EVC: variants seen among roughly 807,000 people sequenced by gnomAD.
The protein encoded by EVC is evC complex member EVC.
In EVC, 116 loss-of-function variants were observed where a neutral mutation model predicts 118.9. That is an observed-to-expected ratio of 0.98 (90% CI 0.84 to 1.14). The LOEUF (loss-of-function observed/expected upper bound fraction) is 1.14, where lower values mean the gene tolerates loss of function less well. Ranked by LOEUF, EVC falls within the 50% of genes most tolerant of loss-of-function variation. The pLI, the probability that EVC is intolerant of heterozygous loss-of-function variation, is 0.00. For missense variants in EVC, 1,401 were observed against 1,246.4 expected, an observed-to-expected ratio of 1.12 and a Z score of -1.87; for synonymous variants, 619 against 534.7, an observed-to-expected ratio of 1.16 and a Z score of -2.18.
intron 17 of EVC, among the ~76,000 whole-genome samples, chr4:5,805,654 C>T: frequency 6.6e-6 from 1 of 152,154 alleles, no homozygotes; most frequent in East Asian, 1.9e-4. Flanking sequence ...TTAGCCGCAC[C>T]TCTCCGCACC....
the EVC span, chr4:5,828,338 G>A: frequency 7.0e-7 from 1 of 1,425,780 alleles, no homozygotes; most frequent in East Asian, 2.5e-5. Flanking sequence ...AGGAGCCCAG[G>A]CCAGCGTCTC....
chr4:5,785,939 G>T (rs1577573216), intron 12 of EVC, among the ~76,000 whole-genome samples: 1 of 152,284 alleles, frequency 6.6e-6, no homozygotes, highest in East Asian at 1.9e-4. Context: ...TCAGAAACCA[G>T]GTGAGCCTAA....
At chr4:5,784,838 A>C (rs1381776121) in intron 12 of EVC, among the ~76,000 whole-genome samples, 1 of 151,666 alleles carries the variant, frequency 6.6e-6, no homozygotes, top group Non-Finnish European at 1.5e-5. Context: ...AAACTCCTGA[A>C]CTCAAGTGAT....
intron 12 of EVC, among the ~76,000 whole-genome samples, chr4:5,791,626 C>T (rs1158322337): frequency 2.0e-5 from 3 of 152,128 alleles, no homozygotes; most frequent in African/African-American, 4.8e-5. Flanking sequence ...AGAGTAATCA[C>T]CTGGGAGAGA....
rs1020796230 is a variant in EVC, at chr4:5,756,469, C to G, written c.1563+107C>G. 1.3e-5 allele frequency: 12 copies of G among 896,980 alleles called. No homozygotes were observed. Among genetic ancestry groups the G allele is most frequent in the Non-Finnish European group, 2.0e-5 (11 of 559,834 alleles). 55.6% of individuals were successfully genotyped at this position (896,980 alleles called of 1,614,324 possible). On this transcript the variant is annotated intron_variant, in intron 11 of 20. Transcript: ENST00000264956. This position sits in a 1 kb window ranked among gnomAD's most constrained non-coding sequence, Gnocchi z 4.2. ...CCCCAGAGGTGGTTCAGGTCCAACC[C>G]CGCACTCATTGGCCGGTGATCCACG...
intron 17 of EVC, among the ~76,000 whole-genome samples, chr4:5,806,283 T>C (rs909200372): frequency 5.3e-5 from 8 of 151,930 alleles, no homozygotes; most frequent in Non-Finnish European, 1.0e-4. Context: ...GGTTTTACCA[T>C]GTTGGCCAGG....
At chr4:5,747,945 C>T in intron 7 of EVC, 3 of 617,588 alleles carry the variant, frequency 4.9e-6, no homozygotes, top group South Asian at 1.8e-5. Flanking sequence ...GCAAAACTGA[C>T]TGACACTGGA....
chr4:5,748,549 TGCCCTCCC>T (rs1560330238), intron 8 of EVC, among the ~76,000 whole-genome samples: 24 of 133,452 alleles, frequency 1.8e-4, no homozygotes, highest in East Asian at 7.0e-4. Flanking sequence ...TCCATCCATC[TGCCCTCCC>T]ACCCATTTAT....
intron 16 of EVC, 121 bp downstream of exon 16, chr4:5,802,215 T>TTTTAATGTATTTATCCCGTGC (rs1203442311): frequency 7.4e-7 from 1 of 1,360,422 alleles, no homozygotes; most frequent in African/African-American, 1.4e-5. Context: ...TATTTCAGTG[T>TTTTAATGTATTTATCCCGTGC]TTTAATGTAT....
Position 5,753,858 on chromosome 4 carries a change from G to A in EVC, c.1389G>A (p.Thr463=), listed in dbSNP as rs765596595. 1.1e-5 allele frequency: 17 copies of A among 1,614,046 alleles called. No individual in the cohort carries two copies. The highest frequency in any genetic ancestry group is 1.7e-5 in the Admixed American group (1 of 60,018). The change falls in exon 10 of 21, where the codon ACG becomes ACA. Residue 463 remains threonine (T), a synonymous_variant. Transcript: ENST00000264956. ...AHQVEGTAKL[T]LAQEEEQRSF... The stretch of plus-strand genomic sequence containing the variant: ...AGGTGGAGGGAACGGCAAAACTCAC[G>A]CTGGCCCAAGAGGAGGAACAGAGAA...
intron 1 of EVC, among the ~76,000 whole-genome samples, chr4:5,713,570 A>G (rs1263205625): frequency 2.0e-5 from 3 of 150,730 alleles, no homozygotes; most frequent in Non-Finnish European, 4.4e-5. Flanking sequence ...CCAGCTACTC[A>G]GGAGGCTGAG....
chr4:5,723,894 C>A (rs1237851662), intron 2 of EVC, among the ~76,000 whole-genome samples: 1 of 152,106 alleles, frequency 6.6e-6, no homozygotes, highest in Non-Finnish European at 1.5e-5. Flanking sequence ...ATTCCTTGTT[C>A]ACTGACAAAA....
intron 11 of EVC, among the ~76,000 whole-genome samples, chr4:5,767,106 T>C (rs1733002479): frequency 6.6e-6 from 1 of 151,162 alleles, no homozygotes; most frequent in Admixed American, 6.6e-5. Context: ...TGTTTGTTAG[T>C]TTTCCTTCTA....
chr4:5,745,055 C>T, intron 6 of EVC, 149 bp from the exon 7 acceptor site: 1 of 714,468 alleles, frequency 1.4e-6, no homozygotes, highest in East Asian at 2.8e-5. Flanking sequence ...TGGGTCAAAC[C>T]TCATGTACAA....
At chr4:5,730,163 A>G (rs371636878) in intron 3 of EVC, among the ~76,000 whole-genome samples, 145 of 152,090 alleles carry the variant, frequency 9.5e-4, no homozygotes, top group African/African-American at 3.3e-3. Context: ...TCAAATGGGG[A>G]TGATGGTGCT....
At position 5,789,757 on chromosome 4, in the gene EVC, G is replaced by T. The variant is rs1307758726; in HGVS notation, c.1777-3851G>T. ...GAAGAGGTTTATGTAACAGCTGCAG[G>T]CACCATCTGGTCCAGAGATCTTGAC... On this transcript the variant is annotated intron_variant, in intron 12 of 20. Transcript: ENST00000264956. The surrounding 1 kb of genome is among the most constrained non-coding windows in gnomAD (Gnocchi z 4.3). Among the ~76,000 whole-genome samples, 1 of 152,154 alleles carries T rather than the reference G, an allele frequency of 6.6e-6. No homozygotes were observed. Among genetic ancestry groups the T allele is most frequent in the Admixed American group, 6.5e-5 (1 of 15,282 alleles).
At chr4:5,762,080 T>G (rs1732140514) in intron 11 of EVC, among the ~76,000 whole-genome samples, 1 of 123,510 alleles carries the variant, frequency 8.1e-6, no homozygotes, top group Non-Finnish European at 1.6e-5. Context: ...GTCCCCAGAG[T>G]GTGATGTTCC....
Position 5,797,482 on chromosome 4 carries a change from G to C in EVC, c.2097+250G>C, listed in dbSNP as rs557374304. On this transcript the variant is annotated intron_variant, in intron 14 of 20. Transcript: ENST00000264956. ...GTGTGGGCAGGGCCGCTTTGATTCT[G>C]AGACCGCACTCCCTGGCTTGTAGAT... The C allele has an allele frequency of 1.6e-5, 9 of 580,284 alleles. No homozygotes were observed. The South Asian group carries it at 1.6e-4, about 10-fold the overall frequency. The allele number at this position is 580,284 out of a possible 1,614,324, so 35.9% of individuals were successfully genotyped here.
rs572921449 is a variant in EVC, at chr4:5,718,598, G to A, written c.175-650G>A. On this transcript the variant is annotated intron_variant, in intron 1 of 20. Coordinates refer to ENST00000264956, the MANE Select transcript of EVC (RefSeq NM_153717.3). Reference sequence around the variant, plus strand: ...AGACAAGAAGGCAGAGTGCTACTTTGTTCCATCTCAACTGAGCACGTGCAT... The same window carrying A: ...AGACAAGAAGGCAGAGTGCTACTTTATTCCATCTCAACTGAGCACGTGCAT... Among the ~76,000 whole-genome samples the A allele has an allele frequency of 3.3e-5, 5 of 152,238 alleles. No individual in the cohort carries two copies. The East Asian group carries it at 9.7e-4, about 30-fold the overall frequency.
Sources: allele counts gnomAD v4.1 joint callset (sites outside exome capture counted in the v4.1 genomes callset), GRCh38; gene constraint gnomAD v4.1.1; non-coding constraint Gnocchi (gnomAD v3.1); transcripts MANE v1.5; gene names NCBI Gene and HGNC (gene_info 2026-07-23, HGNC 2026-07-21).